The following SPTBN4 variants were observed in gnomAD, a reference collection of about 807,000 sequenced individuals.
The protein encoded by SPTBN4 is spectrin beta, non-erythrocytic 4, also known as spectrin beta chain, non-erythrocytic 4.
A neutral mutation model predicts 277.8 loss-of-function variants in SPTBN4; 96 were observed. That is an observed-to-expected ratio of 0.35 (90% confidence interval 0.29 to 0.41). SPTBN4 has a LOEUF of 0.41. Among genes scored for constraint, SPTBN4 ranks in the 10% least tolerant of loss-of-function variants. The probability of loss-of-function intolerance (pLI) is 1.00; values close to 1 mark genes in which losing one functional copy is unlikely to be tolerated. For synonymous variants in SPTBN4, 1,481 were observed against 1,580.3 expected (o/e 0.94, Z 1.49); for missense variants, 3,006 against 3,595.7 (o/e 0.84, Z 4.19).
At chr19:40,568,313 A>G (rs1289125054) in intron 31 of SPTBN4, 31 bp downstream of exon 31, 2 of 1,566,498 alleles carry the variant, frequency 1.3e-6, no homozygotes, top group Admixed American at 1.9e-5. Context: ...CCAGAAAGTG[A>G]GGGGAGGGGA....
intron 2 of SPTBN4, among the ~76,000 whole-genome samples, chr19:40,477,655 T>C (rs1663989625): frequency 6.6e-6 from 1 of 152,150 alleles, no homozygotes; most frequent in Non-Finnish European, 1.5e-5. Flanking sequence ...GGAGGGCTTC[T>C]TGGAGAAGGA....
At chr19:40,473,019 A>G (rs1182948210) in intron 2 of SPTBN4, among the ~76,000 whole-genome samples, 1 of 152,120 alleles carries the variant, frequency 6.6e-6, no homozygotes, top group Non-Finnish European at 1.5e-5. Context: ...TTTGAGTTTT[A>G]AATTTTATTT....
intron 20 of SPTBN4, among the ~76,000 whole-genome samples, chr19:40,537,906 C>T (rs989854572): frequency 6.6e-6 from 1 of 152,190 alleles, no homozygotes; most frequent in African/African-American, 2.4e-5. Context: ...GCAGGCTCAC[C>T]TGCAGAAAAC....
chr19:40,509,525 G>A (rs1044517771), intron 13 of SPTBN4, among the ~76,000 whole-genome samples: 1 of 152,192 alleles, frequency 6.6e-6, no homozygotes. Context: ...GATTACAGGT[G>A]TGAGGCACTG....
intron 17 of SPTBN4, among the ~76,000 whole-genome samples, chr19:40,526,012 A>G (rs965612916): frequency 1.3e-5 from 2 of 152,104 alleles, no homozygotes; most frequent in Non-Finnish European, 2.9e-5. Flanking sequence ...ACATCCGCCA[A>G]GGGGGCAGAG....
In SPTBN4 at chr19:40,554,812, A is replaced by G. The variant is rs918823884; in HGVS notation, c.5084+166A>G. 4.7e-6 allele frequency: 5 copies of G among 1,053,924 alleles called. No individual in the cohort carries two copies. Among genetic ancestry groups the G allele is most frequent in the Non-Finnish European group, 6.9e-6 (5 of 722,660 alleles). The allele number at this position is 1,053,924 out of a possible 1,614,324, so 65.3% of individuals were successfully genotyped here. On this transcript the variant is annotated intron_variant, in intron 24 of 35. Transcript: ENST00000598249. This position sits in a 1 kb window ranked among gnomAD's most constrained non-coding sequence, Gnocchi z 5.7. The stretch of plus-strand genomic sequence containing the variant: ...AGTGGGCGGGCCGGAATGGGGGGAC[A>G]CGGCTCAGGGATGGTTGAGAGGGTG...
intron 27 of SPTBN4, among the ~76,000 whole-genome samples, chr19:40,562,834 CA>C (rs111380293): frequency 6.6e-4 from 90 of 135,554 alleles, no homozygotes; most frequent in East Asian, 1.7e-3. Context: ...AATTCCATCT[CA>C]AAAAAAAAAA....
At chr19:40,530,501 TCGC>T in intron 18 of SPTBN4, 1 of 977,734 alleles carries the variant, frequency 1.0e-6, no homozygotes, top group Non-Finnish European at 1.2e-6. Flanking sequence ...GCCTCAGCCT[TCGC>T]CGCCGCTGCC....
intron 26 of SPTBN4, among the ~76,000 whole-genome samples, chr19:40,558,449 G>A (rs992945382): frequency 6.6e-6 from 1 of 152,164 alleles, no homozygotes; most frequent in African/African-American, 2.4e-5. Context: ...AATGAAAAAG[G>A]CAACAGAGAT....
intron 17 of SPTBN4, among the ~76,000 whole-genome samples, chr19:40,527,876 C>T (rs369437095): frequency 8.1e-4 from 123 of 151,882 alleles, no homozygotes; most frequent in Non-Finnish European, 1.4e-3. Flanking sequence ...GCCAACATGG[C>T]GAAAACTCGT....
chr19:40,565,065 G>A (rs1364494877), intron 27 of SPTBN4, among the ~76,000 whole-genome samples: 1 of 151,870 alleles, frequency 6.6e-6, no homozygotes, highest in African/African-American at 2.4e-5. Context: ...AGGAGTTCAA[G>A]ACCAGCCTGG....
At chr19:40,570,912 A>C in intron 33 of SPTBN4, 184 bp downstream of exon 33, 1 of 348,238 alleles carries the variant, frequency 2.9e-6, no homozygotes, top group Non-Finnish European at 4.1e-6. Context: ...AATGAGCAGG[A>C]GGGGGTGTGG....
Position 40,576,179 on chromosome 19 carries a change from C to G in SPTBN4, c.*610C>G, listed in dbSNP as rs1214544791. ...TGCAAAACGTCGATCTCCTCCTCCC[C>G]CGCCCCGCATCCGCGAAGGCTTTTA... On this transcript the variant is annotated 3_prime_UTR_variant, in exon 36 of 36. Coordinates refer to ENST00000598249, the MANE Select transcript of SPTBN4 (RefSeq NM_020971.3). The G allele has an allele frequency of 6.6e-6, 1 of 152,606 alleles. No homozygotes were observed. Among genetic ancestry groups the G allele is most frequent in the Non-Finnish European group, 1.5e-5 (1 of 68,114 alleles). The allele number at this position is 152,606 out of a possible 1,614,324, so 9.5% of individuals were successfully genotyped here.
intron 27 of SPTBN4, among the ~76,000 whole-genome samples, chr19:40,564,385 C>CA (rs1420701900): frequency 2.0e-5 from 3 of 152,206 alleles, no homozygotes; most frequent in Admixed American, 6.5e-5. Context: ...ATTAACTCCA[C>CA]AAAATCTGGT....
In SPTBN4 at chr19:40,532,778, A is replaced by T. The variant is rs765151525; in HGVS notation, c.4095+7A>T. ...GCTGGAGAAGATCGAGCGGGTGAGG[A>T]AGCTGATGGCCCCTCTGCCTGTGCC... is the stretch of plus-strand genomic sequence containing the variant. On this transcript the variant is annotated splice_region_variant and intron_variant, in intron 19 of 35. Coordinates refer to ENST00000598249, the MANE Select transcript of SPTBN4 (RefSeq NM_020971.3). 1.9e-6 allele frequency: 3 copies of T among 1,607,128 alleles called. No individual in the cohort carries two copies. The highest frequency in any genetic ancestry group is 1.7e-6 in the Non-Finnish European group (2 of 1,176,194).
At chr19:40,571,927 G>A (rs2081159094) in intron 33 of SPTBN4, 92 bp from the exon 34 acceptor site, 4 of 1,408,404 alleles carry the variant, frequency 2.8e-6, no homozygotes, top group South Asian at 1.6e-5. Context: ...GAGGTAGGAA[G>A]GCTCAGACAT....
intron 13 of SPTBN4, among the ~76,000 whole-genome samples, chr19:40,509,921 G>T (rs2080372392): frequency 6.6e-6 from 1 of 152,160 alleles, no homozygotes; most frequent in African/African-American, 2.4e-5. Context: ...ACCTCCAGGG[G>T]AGGTTGTTGG....
chr19:40,525,630 C>T (rs906788191), intron 17 of SPTBN4, among the ~76,000 whole-genome samples: 2 of 152,208 alleles, frequency 1.3e-5, no homozygotes, highest in Admixed American at 1.3e-4. Context: ...ATTGTTTATT[C>T]ACTCATCCTC....
Position 40,502,622 on chromosome 19 carries a change from A to G in SPTBN4, c.1203+115A>G. ...CATGATGGATTAGATATTCATTCTG[A>G]CAGTTTTTCAGTAGTAAAGTGTCAT... On this transcript the variant is annotated intron_variant, in intron 10 of 35. Coordinates refer to ENST00000598249, the MANE Select transcript of SPTBN4 (RefSeq NM_020971.3). The surrounding 1 kb of genome is among the most constrained non-coding windows in gnomAD (Gnocchi z 4.9). 6.9e-7 allele frequency: 1 copy of G among 1,444,356 alleles called. No homozygotes were observed. Among genetic ancestry groups the G allele is most frequent in the Non-Finnish European group, 9.4e-7 (1 of 1,069,184 alleles). The allele number at this position is 1,444,356 out of a possible 1,614,324, so 89.5% of individuals were successfully genotyped here. A position where few individuals can be genotyped will look rare whatever the true frequency, so the allele number is the denominator to read the frequency against.
Sources: allele counts gnomAD v4.1 joint callset (sites outside exome capture counted in the v4.1 genomes callset), GRCh38; gene constraint gnomAD v4.1.1; non-coding constraint Gnocchi (gnomAD v3.1); transcripts MANE v1.5; gene names NCBI Gene and HGNC (gene_info 2026-07-23, HGNC 2026-07-21).